The following DYNC2I2 variants were observed in gnomAD, a reference collection of about 807,000 sequenced individuals.
The protein encoded by DYNC2I2 is dynein 2 intermediate chain 2.
Under a neutral mutation model 52.0 loss-of-function variants are expected in DYNC2I2, and 39 were observed. That is an observed-to-expected ratio of 0.75 (90% CI 0.58 to 0.98). The LOEUF (loss-of-function observed/expected upper bound fraction) is 0.98, where lower values mean the gene tolerates loss of function less well. Among genes scored for constraint, DYNC2I2 ranks in the 50% least tolerant of loss-of-function variants. The pLI, the probability that DYNC2I2 is intolerant of heterozygous loss-of-function variation, is 0.00. For synonymous variants in DYNC2I2, 359 were observed against 321.1 expected (o/e 1.12, Z -1.26); for missense variants, 743 against 728.4 (o/e 1.02, Z -0.23).
the DYNC2I2 span, among the ~76,000 whole-genome samples, chr9:128,677,216 CAAA>C: frequency 1.9e-4 from 25 of 135,056 alleles, no homozygotes; most frequent in Middle Eastern, 3.8e-3. Flanking sequence ...AACTCTGTCT[CAAA>C]AAAAAAAAAA....
the DYNC2I2 span, chr9:128,683,432 A>C: frequency 4.5e-6 from 1 of 222,584 alleles, no homozygotes. Flanking sequence ...TTACTGAGGA[A>C]TGTTCCAAGC....
At chr9:128,683,653 G>A in the DYNC2I2 span, 1 of 431,418 alleles carries the variant, frequency 2.3e-6, no homozygotes, top group African/African-American at 2.0e-5. Flanking sequence ...CCAAAGCCAA[G>A]AGTGCCCCTG....
rs587777093 is a variant in DYNC2I2 at position 128,634,259 on chromosome 9, G to A, written c.1339C>T (p.Arg447Trp). 35 of 1,613,700 alleles carry A rather than the reference G, an allele frequency of 2.2e-5. No homozygotes were observed. Among genetic ancestry groups the A allele is most frequent in the African/African-American group, 2.7e-5 (2 of 74,918 alleles). ...YLFAVRWSPV[R>W]PLVFAAASGK... ...GAGGCAGCTGCAAAAACCAAGGGCC[G>A]CACTGGGGACCAGCGCACAGCAAAC... Residue 447 changes from arginine (R) to tryptophan (W), a missense_variant, in exon 8 of 9, where the codon CGG (arginine) becomes TGG (tryptophan). Transcript: ENST00000372715.
chr9:128,682,972 G>A, the DYNC2I2 span, among the ~76,000 whole-genome samples: 17 of 149,894 alleles, frequency 1.1e-4, no homozygotes, highest in African/African-American at 3.9e-4. Flanking sequence ...CACTGCGCCC[G>A]GCTGGGACCT....
chr9:128,676,192 T>TA, the DYNC2I2 span, among the ~76,000 whole-genome samples: 1 of 151,472 alleles, frequency 6.6e-6, no homozygotes, highest in African/African-American at 2.4e-5. Context: ...GAAAAAATAT[T>TA]AAAAAACACA....
rs4837291 is a variant in DYNC2I2, at chr9:128,635,200, G to A, written c.873C>T (p.Thr291=). The A allele has an allele frequency of 0.84, 1,351,091 of 1,613,070 alleles. 578,235 individuals carry two copies. Among genetic ancestry groups the A allele is most frequent in the Non-Finnish European group, 0.89 (1,046,648 of 1,179,926 alleles). The part of the protein sequence containing the change: ...SHRFQVLSVA[T]DGKVLLWQGI... Reference sequence around the variant, plus strand: ...CCTGCCAGAGTAGCACCTTCCCGTCGGTGGCCACACTCAGCACCTGGAAGC... The same window carrying A: ...CCTGCCAGAGTAGCACCTTCCCGTCAGTGGCCACACTCAGCACCTGGAAGC... The change falls in exon 6 of 9, where the codon ACC becomes ACT. Residue 291 remains threonine (T), a synonymous_variant. Transcript: ENST00000372715.
chr9:128,682,672 C>CTTTTTTTTT, the DYNC2I2 span, among the ~76,000 whole-genome samples: 1 of 120,632 alleles, frequency 8.3e-6, no homozygotes, highest in Non-Finnish European at 1.7e-5. Context: ...GGGACCTTGT[C>CTTTTTTTTT]TTTTTTTTTT....
the DYNC2I2 span, among the ~76,000 whole-genome samples, chr9:128,670,545 G>A: frequency 6.6e-6 from 1 of 150,944 alleles, no homozygotes; most frequent in Non-Finnish European, 1.5e-5. Context: ...AGACCACCCT[G>A]GCCAACATGG....
intron 1 of DYNC2I2, among the ~76,000 whole-genome samples, chr9:128,641,974 C>CATA (rs1209352592): frequency 7.2e-6 from 1 of 139,534 alleles, no homozygotes; most frequent in Admixed American, 7.2e-5. Context: ...CATTTATATA[C>CATA]ATACACACAC....
chr9:128,680,349 C>T, the DYNC2I2 span, among the ~76,000 whole-genome samples: 2 of 151,278 alleles, frequency 1.3e-5, no homozygotes, highest in African/African-American at 4.9e-5. Context: ...GCATGAGCCA[C>T]TGTACCTGGT....
At chr9:128,655,030 C>T (rs1050660775) in intron 1 of DYNC2I2, among the ~76,000 whole-genome samples, 1 of 151,960 alleles carries the variant, frequency 6.6e-6, no homozygotes, top group Non-Finnish European at 1.5e-5. Flanking sequence ...AGTCCCCAAC[C>T]CTTGAACCGC....
the DYNC2I2 span, among the ~76,000 whole-genome samples, chr9:128,674,131 TTG>T: frequency 2.7e-5 from 4 of 150,640 alleles, no homozygotes; most frequent in East Asian, 2.0e-4. Context: ...TTTTTTTGTT[TTG>T]TGTGTGTGTG....
At chr9:128,672,654 A>G in the DYNC2I2 span, among the ~76,000 whole-genome samples, 3 of 152,188 alleles carry the variant, frequency 2.0e-5, no homozygotes. Flanking sequence ...AAATGGAAAG[A>G]AGCCAGATTC....
Position 128,656,606 on chromosome 9 carries a change from C to A in DYNC2I2, c.121G>T (p.Glu41Ter). The stretch of plus-strand genomic sequence containing the variant: ...GGCACGGACGCCACACCCAGGGTCT[C>A]GTCCTGCAGCGGCCCTGGCCGCCCC... Reference protein sequence around the residue: ...GPGRPGPLQDETLGVASVPSQ... With the variant: ...GPGRPGPLQD The change falls in exon 1 of 9, where the codon GAG (glutamate) becomes TAG (stop). Residue 41 changes from glutamate to a stop codon, truncating the protein, a stop_gained. Coordinates refer to ENST00000372715, the MANE Select transcript of DYNC2I2 (RefSeq NM_052844.4). LOFTEE classifies it high-confidence loss of function. 6.7e-7 allele frequency: 1 copy of A among 1,493,828 alleles called. No homozygotes were observed. Among genetic ancestry groups the A allele is most frequent in the Non-Finnish European group, 8.9e-7 (1 of 1,129,620 alleles). 92.5% of individuals were successfully genotyped at this position (1,493,828 alleles called of 1,614,324 possible).
At chr9:128,668,458 G>C in the DYNC2I2 span, among the ~76,000 whole-genome samples, 1 of 152,032 alleles carries the variant, frequency 6.6e-6, no homozygotes, top group African/African-American at 2.4e-5. Context: ...CCACTGCATT[G>C]GGTCGTAAAT....
chr9:128,671,913 A>G, the DYNC2I2 span, among the ~76,000 whole-genome samples: 3 of 151,138 alleles, frequency 2.0e-5, no homozygotes, highest in Admixed American at 1.3e-4. Flanking sequence ...TCGGCCTCCC[A>G]AAGTGCTGGA....
rs539446369 is a variant in DYNC2I2 at position 128,638,622 on chromosome 9, CATGTGCAAG to C, written c.436-1604_436-1596del. 5.7e-3 allele frequency among the ~76,000 whole-genome samples: 864 copies of C among 152,320 alleles called. 12 individuals carry two copies. The highest frequency in any genetic ancestry group is 0.02 in the African/African-American group (817 of 41,578). On this transcript the variant is annotated intron_variant, in intron 2 of 8. Transcript: ENST00000372715. ...AGCCACACCCCGCGCACTGCTGCAGCATGTGCAAGAGGTGCCTCTGCTGTGGAGAACAAG... is the reference window on the plus strand; with the variant it reads ...AGCCACACCCCGCGCACTGCTGCAGCAGGTGCCTCTGCTGTGGAGAACAAG...
the DYNC2I2 span, among the ~76,000 whole-genome samples, chr9:128,682,880 G>GT: frequency 6.7e-6 from 1 of 150,280 alleles, no homozygotes; most frequent in Non-Finnish European, 1.5e-5. Flanking sequence ...GTTTCACCAT[G>GT]TTAGCCAGGA....
intron 4 of DYNC2I2, 141 bp from the exon 5 acceptor site, chr9:128,635,908 A>C: frequency 1.3e-6 from 1 of 776,906 alleles, no homozygotes; most frequent in Non-Finnish European, 2.2e-6. Context: ...ATCCCCACAG[A>C]GGGAGAGTCC....
Sources: allele counts gnomAD v4.1 joint callset (sites outside exome capture counted in the v4.1 genomes callset), GRCh38; gene constraint gnomAD v4.1.1; transcripts MANE v1.5; gene names NCBI Gene and HGNC (gene_info 2026-07-23, HGNC 2026-07-21).